Variants in PKD1L1 observed in about 807,000 individuals in gnomAD.
PKD1L1 encodes the protein polycystin-1-like protein 1.
Under a neutral mutation model 323.4 loss-of-function variants are expected in PKD1L1, and 236 were observed. That is an observed-to-expected ratio of 0.73 (90% CI 0.66 to 0.81). The LOEUF (loss-of-function observed/expected upper bound fraction) is 0.81. Among genes scored for constraint, PKD1L1 ranks in the 40% least tolerant of loss-of-function variants. PKD1L1 has a pLI of 0.00. For synonymous variants in PKD1L1, 1,344 were observed against 1,335.0 expected (o/e 1.01, Z -0.15); for missense variants, 3,320 against 3,508.0 (o/e 0.95, Z 1.35).
At chr7:47,892,702 A>G (rs1769543214) in intron 15 of PKD1L1, among the ~76,000 whole-genome samples, 1 of 152,126 alleles carries the variant, frequency 6.6e-6, no homozygotes, top group African/African-American at 2.4e-5. Context: ...TAAATCAAAA[A>G]GAATAAAAAC....
At chr7:47,939,829 G>A (rs529954961) in intron 3 of PKD1L1, among the ~76,000 whole-genome samples, 24 of 151,874 alleles carry the variant, frequency 1.6e-4, no homozygotes, top group South Asian at 4.2e-4. Flanking sequence ...CCCCGCTTGA[G>A]GGGCAGCCCC....
At chr7:47,893,229 C>CAAAAAAA (rs529686945) in intron 15 of PKD1L1, among the ~76,000 whole-genome samples, 2 of 53,020 alleles carry the variant, frequency 3.8e-5, no homozygotes, top group Non-Finnish European at 8.3e-5. Flanking sequence ...GACCCTATCT[C>CAAAAAAA]AAAAAAAAAA....
intron 26 of PKD1L1, 52 bp from the exon 27 acceptor site, chr7:47,858,937 G>GC (rs1188661854): frequency 7.6e-6 from 12 of 1,579,036 alleles, no homozygotes; most frequent in Non-Finnish European, 1.0e-5. Context: ...AGCAAGGAGT[G>GC]CCCGGGTGTA....
rs755622571 is a variant in PKD1L1, at chr7:47,936,830, T to C, written c.398+16A>G. 6 of 1,549,744 alleles carry C rather than the reference T, an allele frequency of 3.9e-6. No individual in the cohort carries two copies. The highest frequency in any genetic ancestry group is 2.6e-6 in the Non-Finnish European group (3 of 1,134,688). ...TGTTCAGAAAAGCAATATTTCGCCA[T>C]GGTACATTGACATACCTATCAGCAC... On this transcript the variant is annotated intron_variant, in intron 4 of 56. Coordinates refer to ENST00000289672, the MANE Select transcript of PKD1L1 (RefSeq NM_138295.5).
intron 56 of PKD1L1, among the ~76,000 whole-genome samples, chr7:47,785,744 C>CTTTT (rs58949004): frequency 0.011 from 1,488 of 141,164 alleles, 23 homozygotes; most frequent in Middle Eastern, 0.019. Flanking sequence ...ATATTTCTTT[C>CTTTT]TTTTTTTTTT....
intron 6 of PKD1L1, 65 bp downstream of exon 6, chr7:47,931,039 G>C (rs1272033900): frequency 1.4e-6 from 2 of 1,475,028 alleles, no homozygotes; most frequent in East Asian, 4.6e-5. Context: ...AACGGATTGG[G>C]CATGGATGGT....
intron 7 of PKD1L1, among the ~76,000 whole-genome samples, chr7:47,921,423 C>T (rs188528473): frequency 5.4e-4 from 82 of 152,154 alleles, no homozygotes; most frequent in Admixed American, 8.5e-4. Flanking sequence ...GAACAGGGAA[C>T]GCTTCTATAC....
At chr7:47,900,016 A>C (rs1234466392) in intron 13 of PKD1L1, among the ~76,000 whole-genome samples, 1 of 151,920 alleles carries the variant, frequency 6.6e-6, no homozygotes, top group East Asian at 1.9e-4. Context: ...GGATTTTAAG[A>C]AATCTTGGTG....
At chr7:47,807,195 T>A (rs1484247584) in intron 52 of PKD1L1, among the ~76,000 whole-genome samples, 1 of 152,006 alleles carries the variant, frequency 6.6e-6, no homozygotes, top group African/African-American at 2.4e-5. Context: ...AAGCCAAATC[T>A]TCTGCTTGGG....
At chr7:47,805,894 A>G (rs185375259) in intron 52 of PKD1L1, among the ~76,000 whole-genome samples, 95 of 152,296 alleles carry the variant, frequency 6.2e-4, no homozygotes, top group African/African-American at 2.1e-3. Context: ...ACACGTGATT[A>G]TATAGAATTT....
At chr7:47,882,924 C>A (rs1786595891) in intron 19 of PKD1L1, among the ~76,000 whole-genome samples, 1 of 152,178 alleles carries the variant, frequency 6.6e-6, no homozygotes, top group Admixed American at 6.5e-5. Flanking sequence ...AGGGCTCCTG[C>A]ATGGTCTAGG....
chr7:47,829,449 A>G lies in PKD1L1; in HGVS notation c.6711T>C (p.Pro2237=). 6.2e-7 allele frequency: 1 copy of G among 1,613,512 alleles called. No homozygotes were observed. ...RLPFSSSCSI[P]DCAGEVEKVL... The stretch of plus-strand genomic sequence containing the variant: ...CTTTTTCAACCTCGCCTGCACAGTC[A>G]GGAATACTGCAGCTTGAAGAGAAGG... The change falls in exon 44 of 57, where the codon CCT becomes CCC. Residue 2237 remains proline (P), a synonymous_variant. Transcript: ENST00000289672.
chr7:47,939,063 G>A (rs551296645), intron 3 of PKD1L1, among the ~76,000 whole-genome samples: 1 of 152,222 alleles, frequency 6.6e-6, no homozygotes, highest in South Asian at 2.1e-4. Flanking sequence ...AGAAACGCAG[G>A]TAATATCACC....
chr7:47,808,759 C>T (rs945646201), intron 51 of PKD1L1, among the ~76,000 whole-genome samples: 2 of 152,172 alleles, frequency 1.3e-5, no homozygotes, highest in African/African-American at 4.8e-5. Context: ...AATGATCCAC[C>T]TGTATCAGCA....
rs192250482 is a variant in PKD1L1, at chr7:47,799,753, C to T, written c.8193+896G>A. On this transcript the variant is annotated intron_variant, in intron 54 of 56. Coordinates refer to ENST00000289672, the MANE Select transcript of PKD1L1 (RefSeq NM_138295.5). Reference sequence around the variant, plus strand: ...TGTTCAGTAAGTGTGGACAGCATGCCTATAGGCTTAGTCAAGCACAGAGCA... The same window carrying T: ...TGTTCAGTAAGTGTGGACAGCATGCTTATAGGCTTAGTCAAGCACAGAGCA... Among the ~76,000 whole-genome samples, 15 of 152,190 alleles carry T rather than the reference C, an allele frequency of 9.9e-5. No individual in the cohort carries two copies. In the East Asian group the frequency reaches 2.5e-3, roughly 26 times the overall value.
At chr7:47,818,815 T>G (rs887809982) in intron 46 of PKD1L1, among the ~76,000 whole-genome samples, 1 of 152,342 alleles carries the variant, frequency 6.6e-6, no homozygotes, top group East Asian at 1.9e-4. Context: ...ATTTTTTGTT[T>G]TATTATTTTT....
intron 31 of PKD1L1, among the ~76,000 whole-genome samples, chr7:47,850,404 G>A (rs1785753988): frequency 6.6e-6 from 1 of 152,160 alleles, no homozygotes; most frequent in Admixed American, 6.5e-5. Flanking sequence ...CGCCAAGGAG[G>A]ATGGATGACC....
chr7:47,800,921 T>C (rs1182178189), intron 53 of PKD1L1, 42 bp from the exon 54 acceptor site: 1 of 1,530,994 alleles, frequency 6.5e-7, no homozygotes, highest in Admixed American at 1.7e-5. Flanking sequence ...TTGTCACCTC[T>C]TCTTAGGAGT....
In PKD1L1 at chr7:47,905,215, C is replaced by T; in HGVS notation, c.1633G>A (p.Asp545Asn). ...CTTGAAGTTGTCCTCACTGGTGGATCCTCTCCAAAATACCACTCAAATTCC... is the reference window on the plus strand; with the variant it reads ...CTTGAAGTTGTCCTCACTGGTGGATTCTCTCCAAAATACCACTCAAATTCC... ...PLEFEWYFGEDPPVRTTSRSI... is the reference protein window; with the variant it reads ...PLEFEWYFGENPPVRTTSRSI... The change falls in exon 11 of 57, where the codon GAT (aspartate) becomes AAT (asparagine). Residue 545 changes from aspartate (D) to asparagine (N), a missense_variant. Coordinates refer to ENST00000289672, the MANE Select transcript of PKD1L1 (RefSeq NM_138295.5). 2 of 1,614,100 alleles carry T rather than the reference C, an allele frequency of 1.2e-6. No homozygotes were observed. The highest frequency in any genetic ancestry group is 1.7e-6 in the Non-Finnish European group (2 of 1,180,030).
Sources: gnomAD v4.1 joint callset for allele counts (sites outside exome capture counted in the v4.1 genomes callset) on GRCh38, gnomAD v4.1.1 for gene constraint, MANE v1.5 for transcripts, NCBI Gene and HGNC (gene_info 2026-07-23, HGNC 2026-07-21) for gene names.